Variants in SEC24B observed in about 807,000 individuals in gnomAD.
SEC24B encodes the protein SEC24 homolog B, COPII component.
In SEC24B, 45 loss-of-function variants were observed where a neutral mutation model predicts 142.8. The ratio of observed to expected loss-of-function variants is 0.32; its 90% CI spans 0.25 to 0.40. SEC24B has a LOEUF of 0.40. Among genes scored for constraint, SEC24B ranks in the 10% least tolerant of loss-of-function variants. The pLI, the probability that SEC24B is intolerant of heterozygous loss-of-function variation, is 1.00. For synonymous variants in SEC24B, 574 were observed against 568.2 expected, an observed-to-expected ratio of 1.01 and a Z score of -0.15; for missense variants, 1,409 against 1,526.8, an observed-to-expected ratio of 0.92 and a Z score of 1.29.
At chr4:109,528,126 G>A (rs944244920) in intron 18 of SEC24B, among the ~76,000 whole-genome samples, 3 of 152,124 alleles carry the variant, frequency 2.0e-5, no homozygotes, top group Non-Finnish European at 2.9e-5. Flanking sequence ...GCCAGGTGTG[G>A]TGGCTCATGC....
At position 109,530,297 on chromosome 4, in the gene SEC24B, C is replaced by T. The variant is rs757052900; in HGVS notation, c.3085C>T (p.Arg1029Trp). 7 of 1,611,384 alleles carry T rather than the reference C, an allele frequency of 4.3e-6. No homozygotes were observed. Among genetic ancestry groups the T allele is most frequent in the East Asian group, 2.2e-5 (1 of 44,862 alleles). ...ICLLANMAVD[R>W]SVSSSLSDAR... ...CTTTGGTTGCTTTTTAGCTGTGGAT[C>T]GGTCCGTTTCATCAAGTCTGTCAGA... The change falls in exon 19 of 24, where the codon CGG becomes TGG. Residue 1029 changes from arginine (R) to tryptophan (W), a missense_variant. Physicochemically the swap from Arg to Trp is moderately radical, Grantham distance 101 (BLOSUM62 -3). Transcript: ENST00000265175.
chr4:109,449,080 G>T (rs1443450191), intron 1 of SEC24B, among the ~76,000 whole-genome samples: 1 of 152,166 alleles, frequency 6.6e-6, no homozygotes, highest in African/African-American at 2.4e-5. Flanking sequence ...CACAGGTGAA[G>T]TATGCTTCTT....
rs776553292 is a variant in SEC24B, at chr4:109,525,455, C to T, written c.2742C>T (p.Leu914=). Residue 914 remains leucine (L), a synonymous_variant, in exon 16 of 24, where the codon CTC becomes CTT. Coordinates refer to ENST00000265175, the MANE Select transcript of SEC24B (RefSeq NM_006323.5). ...EKLQKDLKRY[L]TRKIGFEAVM... is the part of the protein sequence containing the mutation. ...TACAAAAAGACCTAAAACGGTATCT[C>T]ACAAGAAAAATTGGGTTTGAAGCTG... 2.5e-6 allele frequency: 4 copies of T among 1,611,316 alleles called. No individual in the cohort carries two copies. In the South Asian group the frequency reaches 3.3e-5, roughly 13 times the overall value.
intron 2 of SEC24B, among the ~76,000 whole-genome samples, chr4:109,466,624 A>C (rs969729446): frequency 2.6e-5 from 4 of 152,114 alleles, no homozygotes; most frequent in Non-Finnish European, 4.4e-5. Flanking sequence ...GTTGGCCAGG[A>C]TGGTCTTGAT....
intron 3 of SEC24B, among the ~76,000 whole-genome samples, chr4:109,477,131 C>T (rs28580356): frequency 0.11 from 14,965 of 133,636 alleles, 2,938 homozygotes; most frequent in African/African-American, 0.41. Flanking sequence ...AGCGAGACTC[C>T]GTCTCAAATA....
At chr4:109,522,893 T>C (rs1437672722) in intron 14 of SEC24B, among the ~76,000 whole-genome samples, 1 of 152,164 alleles carries the variant, frequency 6.6e-6, no homozygotes, top group Admixed American at 6.5e-5. Context: ...TCTTCAGTAT[T>C]TTTTTCTTTT....
Position 109,502,754 on chromosome 4 carries a change from C to G in SEC24B, c.1489-3574C>G, listed in dbSNP as rs1214485088. On this transcript the variant is annotated intron_variant, in intron 6 of 23. Transcript: ENST00000265175. ...TGGTCAAGTATGGAGAAATAATGTACCAATGTATACTTCAAGCAAGAATGT... is the reference window on the plus strand; with the variant it reads ...TGGTCAAGTATGGAGAAATAATGTAGCAATGTATACTTCAAGCAAGAATGT... 6.6e-5 allele frequency among the ~76,000 whole-genome samples: 10 copies of G among 152,142 alleles called. No individual in the cohort carries two copies. The East Asian group carries it at 1.9e-3, about 29-fold the overall frequency.
At chr4:109,469,874 A>G (rs940431551) in intron 2 of SEC24B, among the ~76,000 whole-genome samples, 24 of 152,240 alleles carry the variant, frequency 1.6e-4, no homozygotes, top group African/African-American at 5.5e-4. Flanking sequence ...GAACTGGGAA[A>G]AAATGTATAT....
chr4:109,506,980 C>G (rs1578929453), intron 7 of SEC24B, among the ~76,000 whole-genome samples: 1 of 151,964 alleles, frequency 6.6e-6, no homozygotes, highest in Non-Finnish European at 1.5e-5. Context: ...GTATGAAGAC[C>G]TTTGACTCCC....
At position 109,511,986 on chromosome 4, in the gene SEC24B, T is replaced by C; in HGVS notation, c.1806T>C (p.Ile602=). 2 of 1,613,768 alleles carry C rather than the reference T, an allele frequency of 1.2e-6. No homozygotes were observed. Among genetic ancestry groups the C allele is most frequent in the Non-Finnish European group, 1.7e-6 (2 of 1,179,864 alleles). ...TACCAGTGATAACATCAAATACCAT[T>C]GTGAGGTGCCGATCCTGTCGAACGT... ...TQLPVITSNT[I]VRCRSCRTYI... Residue 602 remains isoleucine (I), a synonymous_variant, in exon 9 of 24, where the codon ATT becomes ATC. Coordinates refer to ENST00000265175, the MANE Select transcript of SEC24B (RefSeq NM_006323.5).
In SEC24B at chr4:109,490,517, C is replaced by T. The variant is rs529119398; in HGVS notation, c.1166-810C>T. Among the ~76,000 whole-genome samples the T allele has an allele frequency of 1.1e-4, 16 of 152,126 alleles. No homozygotes were observed. In the South Asian group the frequency reaches 1.2e-3, roughly 12 times the overall value. ...TCTCTAACATAATAGAAGGATCATG[C>T]AGATTTTTTATTTTATTCATCATAA... On this transcript the variant is annotated intron_variant, in intron 4 of 23. Coordinates refer to ENST00000265175, the MANE Select transcript of SEC24B (RefSeq NM_006323.5).
intron 18 of SEC24B, among the ~76,000 whole-genome samples, chr4:109,528,398 T>C (rs1309424005): frequency 6.8e-6 from 1 of 148,024 alleles, no homozygotes; most frequent in Non-Finnish European, 1.5e-5. Flanking sequence ...GCCACTGTAC[T>C]CCTGCCTGAG....
At chr4:109,443,577 T>C (rs1477457252) in intron 1 of SEC24B, among the ~76,000 whole-genome samples, 1 of 152,148 alleles carries the variant, frequency 6.6e-6, no homozygotes, top group Non-Finnish European at 1.5e-5. Context: ...CAAATATTTA[T>C]GTAGCTCCTC....
rs756103770 is a variant in SEC24B, at chr4:109,539,610, C to T, written c.3742C>T (p.Arg1248Trp). ...ATTTTTTCAGCATTTGATTGAAGACCGGACAGAGGCTGCATTTTCTTACTA... is the reference window on the plus strand; with the variant it reads ...ATTTTTTCAGCATTTGATTGAAGACTGGACAGAGGCTGCATTTTCTTACTA... ...AEFFQHLIED[R>W]TEAAFSYYEF... Residue 1248 changes from arginine to tryptophan, a missense_variant, in exon 24 of 24, where the codon CGG becomes TGG. This residue lies in a region of SEC24B where 700 missense variants were observed against 853.3 expected (regional missense o/e 0.82). Coordinates refer to ENST00000265175, the MANE Select transcript of SEC24B (RefSeq NM_006323.5). 192 of 1,613,732 alleles carry T rather than the reference C, an allele frequency of 1.2e-4. No homozygotes were observed. Among genetic ancestry groups the T allele is most frequent in the Non-Finnish European group, 9.1e-5 (107 of 1,179,910 alleles).
rs148758760 is a variant in SEC24B at position 109,447,992 on chromosome 4, T to C, written c.133+13990T>C. 3.7e-3 allele frequency among the ~76,000 whole-genome samples: 568 copies of C among 152,306 alleles called. 3 individuals are homozygous for C. Among genetic ancestry groups the C allele is most frequent in the South Asian group, 0.015 (72 of 4,824 alleles). On this transcript the variant is annotated intron_variant, in intron 1 of 23. Transcript: ENST00000265175. ...TTCTCCATGTTCAAAGCCAGCAACA[T>C]TGCATCTGTCTGAGAATTCTTCTGT... is the stretch of plus-strand genomic sequence containing the variant.
At chr4:109,481,237 A>G (rs924454196) in intron 3 of SEC24B, among the ~76,000 whole-genome samples, 1 of 152,192 alleles carries the variant, frequency 6.6e-6, no homozygotes, top group African/African-American at 2.4e-5. Context: ...CATTAGCAGA[A>G]GGAAGGGGTA....
chr4:109,496,541 T>C (rs1561136464), intron 6 of SEC24B, among the ~76,000 whole-genome samples: 1 of 152,204 alleles, frequency 6.6e-6, no homozygotes. Flanking sequence ...TGAGGAGTAG[T>C]GGCTTACTCA....
Position 109,495,086 on chromosome 4 carries a change from A to G in SEC24B, c.1488+230A>G, listed in dbSNP as rs560810230. Among the ~76,000 whole-genome samples the G allele has an allele frequency of 2.0e-5, 3 of 152,298 alleles. No homozygotes were observed. In the South Asian group the frequency reaches 6.2e-4, roughly 32 times the overall value. On this transcript the variant is annotated intron_variant, in intron 6 of 23. Coordinates refer to ENST00000265175, the MANE Select transcript of SEC24B (RefSeq NM_006323.5). ...TTAAAGAGGTTAAATCTAGATCAAG[A>G]TATTAGATATGATTTTATTTTTCTT...
At chr4:109,439,701 A>G (rs1472535448) in intron 1 of SEC24B, among the ~76,000 whole-genome samples, 4 of 149,798 alleles carry the variant, frequency 2.7e-5, no homozygotes, top group Admixed American at 1.3e-4. Context: ...GGGTTTCACT[A>G]TATTGATCAG....
Sources: gnomAD v4.1 joint callset for allele counts (sites outside exome capture counted in the v4.1 genomes callset) on GRCh38, gnomAD v4.1.1 for gene constraint, gnomAD v4.1.1 regional missense constraint, MANE v1.5 for transcripts, NCBI Gene and HGNC (gene_info 2026-07-23, HGNC 2026-07-21) for gene names.